Variants in NMNAT3 observed in about 807,000 individuals in gnomAD.
NMNAT3 encodes nicotinamide/nicotinic acid mononucleotide adenylyltransferase 3.
A neutral mutation model predicts 24.8 loss-of-function variants in NMNAT3; 21 were observed. That is an observed-to-expected ratio of 0.85 (90% CI 0.60 to 1.22). NMNAT3 has a LOEUF of 1.22. Ranked by LOEUF, NMNAT3 falls within the 50% of genes most tolerant of loss-of-function variation. The pLI is 0.00. For synonymous variants in NMNAT3, 136 were observed against 155.2 expected (o/e 0.88, Z 0.92); for missense variants, 387 against 436.6 (o/e 0.89, Z 1.01).
intron 6 of NMNAT3, chr3:139,567,757 G>A (rs1937477753): frequency 6.6e-6 from 1 of 152,190 alleles, no homozygotes; most frequent in Non-Finnish European, 1.5e-5. Context: ...ATTTTATTGA[G>A]GATTTTTGCA....
rs1366812399 is a variant in NMNAT3, at chr3:139,560,991, G to T, written c.*19C>A. ...GCAGGAGCTTGTTGGAGGAGGTGTG[G>T]GTGCTGAGTCCCCCCTCCCTAGCTT... On this transcript the variant is annotated 3_prime_UTR_variant, in exon 7 of 7. Transcript: ENST00000643695. The T allele has an allele frequency of 1.3e-6, 2 of 1,597,826 alleles. No homozygotes were observed. Among genetic ancestry groups the T allele is most frequent in the Non-Finnish European group, 1.7e-6 (2 of 1,169,824 alleles).
chr3:139,675,197 G>T (rs73220986), intron 1 of NMNAT3, among the ~76,000 whole-genome samples: 18,075 of 136,654 alleles, frequency 0.13, 1,373 homozygotes, highest in Middle Eastern at 0.19. Flanking sequence ...TGCCTCTTGG[G>T]TTTATGTTCA....
intron 3 of NMNAT3, among the ~76,000 whole-genome samples, chr3:139,594,697 A>T (rs181539480): frequency 6.6e-6 from 1 of 152,202 alleles, no homozygotes; most frequent in Non-Finnish European, 1.5e-5. Flanking sequence ...TATAAACAGA[A>T]CCAAAGACAA....
chr3:139,625,576 C>A (rs1287647084), intron 3 of NMNAT3, among the ~76,000 whole-genome samples: 2 of 152,110 alleles, frequency 1.3e-5, no homozygotes, highest in African/African-American at 4.8e-5. Flanking sequence ...ATGTATACTT[C>A]CCTTTTACCC....
At chr3:139,660,293 T>C (rs2057374187) in intron 1 of NMNAT3, among the ~76,000 whole-genome samples, 1 of 152,120 alleles carries the variant, frequency 6.6e-6, no homozygotes, top group Admixed American at 6.5e-5. Flanking sequence ...GAAAATTGAG[T>C]GTTCACTACA....
chr3:139,563,716 T>C (rs2107986711), intron 6 of NMNAT3, among the ~76,000 whole-genome samples: 1 of 152,284 alleles, frequency 6.6e-6, no homozygotes, highest in East Asian at 1.9e-4. Flanking sequence ...TTCCTGGCAG[T>C]CCTGTCTTCA....
chr3:139,575,937 CGTCCTATTTGTGTGTGACCGTGATT>C (rs1413061688), intron 5 of NMNAT3: 1 of 1,288,506 alleles, frequency 7.8e-7, no homozygotes, highest in Non-Finnish European at 1.0e-6. Context: ...GGGAGCTCCA[CGTCCTATTTGTGTGTGACCGTGATT>C]AACGTAGCCT....
chr3:139,633,564 TC>T (rs1398289619), intron 2 of NMNAT3, among the ~76,000 whole-genome samples: 1 of 152,172 alleles, frequency 6.6e-6, no homozygotes, highest in Non-Finnish European at 1.5e-5. Flanking sequence ...AAAACACCCA[TC>T]TTTTTAGCGG....
intron 3 of NMNAT3, among the ~76,000 whole-genome samples, chr3:139,592,058 T>C (rs147441602): frequency 0.14 from 21,081 of 152,052 alleles, 1,910 homozygotes; most frequent in Non-Finnish European, 0.21. Flanking sequence ...GGCAAAGAAG[T>C]TGAAAACTTT....
chr3:139,620,200 C>CT (rs34725809), intron 3 of NMNAT3, among the ~76,000 whole-genome samples: 18,713 of 126,662 alleles, frequency 0.15, 1,374 homozygotes, highest in African/African-American at 0.18. Context: ...CTTGTGGAGT[C>CT]TTTTTTTTTT....
At chr3:139,673,508 G>A (rs1022883636) in intron 1 of NMNAT3, among the ~76,000 whole-genome samples, 14 of 152,072 alleles carry the variant, frequency 9.2e-5, no homozygotes, top group Non-Finnish European at 1.8e-4. Flanking sequence ...AGGAACATAA[G>A]CCTCCCTCCA....
At chr3:139,601,045 C>T (rs2054691436) in intron 3 of NMNAT3, among the ~76,000 whole-genome samples, 1 of 152,184 alleles carries the variant, frequency 6.6e-6, no homozygotes, top group Non-Finnish European at 1.5e-5. Context: ...TGGCAGGAAC[C>T]TCACATAGGA....
intron 3 of NMNAT3, among the ~76,000 whole-genome samples, chr3:139,611,451 G>C (rs1473173305): frequency 1.3e-5 from 2 of 152,186 alleles, no homozygotes; most frequent in Non-Finnish European, 2.9e-5. Context: ...ACAAGCTAGA[G>C]AGATGGGGTA....
chr3:139,677,795 G>C lies in NMNAT3; in HGVS notation c.-231C>G, dbSNP rs2057983377. On this transcript the variant is annotated 5_prime_UTR_variant, in exon 1 of 7. Transcript: ENST00000643695. ...CCTGCTGGGCCTAGCAGGGGCTGTCGGTCAGCGCGCGGCCCGGCGCCCGAG... is the reference window on the plus strand; with the variant it reads ...CCTGCTGGGCCTAGCAGGGGCTGTCCGTCAGCGCGCGGCCCGGCGCCCGAG... 1 of 152,450 alleles carries C rather than the reference G, an allele frequency of 6.6e-6. No homozygotes were observed. Among genetic ancestry groups the C allele is most frequent in the Non-Finnish European group, 1.5e-5 (1 of 68,236 alleles). The allele number at this position is 152,450 out of a possible 1,614,324, so 9.4% of individuals were successfully genotyped here.
At chr3:139,566,120 G>A (rs1234798848) in intron 6 of NMNAT3, 2 of 152,112 alleles carry the variant, frequency 1.3e-5, no homozygotes, top group South Asian at 2.1e-4. Context: ...CAGTGATGAT[G>A]AGCATTTTTT....
chr3:139,675,946 A>C (rs9833539), intron 1 of NMNAT3, among the ~76,000 whole-genome samples: 2 of 151,938 alleles, frequency 1.3e-5, no homozygotes, highest in Non-Finnish European at 2.9e-5. Flanking sequence ...ACGACTCACA[A>C]GGTGAGTGAG....
chr3:139,624,443 T>G (rs2055952867), intron 3 of NMNAT3, among the ~76,000 whole-genome samples: 1 of 152,160 alleles, frequency 6.6e-6, no homozygotes, highest in South Asian at 2.1e-4. Context: ...CTTTTACATT[T>G]ATTGAGACTT....
chr3:139,619,967 T>C (rs2055685880), intron 3 of NMNAT3, among the ~76,000 whole-genome samples: 1 of 152,194 alleles, frequency 6.6e-6, no homozygotes, highest in Admixed American at 6.5e-5. Context: ...TTAAATACCA[T>C]CTAATATCCA....
At chr3:139,612,871 C>T (rs868594040) in intron 3 of NMNAT3, among the ~76,000 whole-genome samples, 1 of 152,078 alleles carries the variant, frequency 6.6e-6, no homozygotes, top group Non-Finnish European at 1.5e-5. Context: ...CTGACAAAAA[C>T]AAGAAATGGG....
Sources: gnomAD v4.1 joint callset for allele counts (sites outside exome capture counted in the v4.1 genomes callset) on GRCh38, gnomAD v4.1.1 for gene constraint, MANE v1.5 for transcripts, NCBI Gene and HGNC (gene_info 2026-07-23, HGNC 2026-07-21) for gene names.